The following SHANK2 variants were observed in gnomAD, a reference collection of about 807,000 sequenced individuals.
The protein encoded by SHANK2 is SH3 and multiple ankyrin repeat domains protein 2.
In SHANK2, 43 loss-of-function variants were observed where a neutral mutation model predicts 133.7. That is an observed-to-expected ratio of 0.32 (90% CI 0.25 to 0.41). SHANK2 has a LOEUF of 0.41. Ranked by LOEUF, SHANK2 falls within the 10% of genes least tolerant of loss-of-function variation. The pLI is 1.00. For missense variants in SHANK2, 1,994 were observed against 2,235.8 expected (o/e 0.89, Z 2.18); for synonymous variants, 1,017 against 952.8 (o/e 1.07, Z -1.24).
chr11:70,923,146 G>A (rs1950374323), intron 10 of SHANK2, among the ~76,000 whole-genome samples: 1 of 152,188 alleles, frequency 6.6e-6, no homozygotes, highest in African/African-American at 2.4e-5. Context: ...AAAGAAATTT[G>A]CAGTTGCATG....
At chr11:70,911,268 C>T in intron 10 of SHANK2, 2 of 442,044 alleles carry the variant, frequency 4.5e-6, no homozygotes, top group Non-Finnish European at 9.1e-6. Context: ...CTCTGTTGCC[C>T]TGGCTTGAAC....
intron 17 of SHANK2, among the ~76,000 whole-genome samples, chr11:70,602,194 C>T (rs12805328): frequency 0.16 from 24,973 of 152,162 alleles, 2,202 homozygotes; most frequent in Middle Eastern, 0.23. Context: ...AGTAAAAGCT[C>T]CCTGAGCCCT....
At position 70,909,250 on chromosome 11, in the gene SHANK2, G is replaced by A. The variant is rs1216318678; in HGVS notation, c.1108-12683C>T. ...GGAATGATTTTCAAGAGTGACTCTG[G>A]TGGGACCCTGGGGCTAGAAAGGCGT... On this transcript the variant is annotated intron_variant, in intron 10 of 25. Transcript: ENST00000601538. Among the ~76,000 whole-genome samples, 3 of 152,212 alleles carry A rather than the reference G, an allele frequency of 2.0e-5. No individual in the cohort carries two copies. The East Asian group carries it at 5.8e-4, about 29-fold the overall frequency.
intron 24 of SHANK2, chr11:70,489,101 A>G (rs782758604): frequency 4.9e-5 from 27 of 555,944 alleles, no homozygotes; most frequent in Non-Finnish European, 8.1e-5. Context: ...ATTTATTCCA[A>G]TGAAAACTTC....
chr11:71,093,051 AG>A (rs33983330), intron 7 of SHANK2, among the ~76,000 whole-genome samples: 14,630 of 70,538 alleles, frequency 0.21, 1,825 homozygotes, highest in South Asian at 0.3. Flanking sequence ...TCAAAAATAA[AG>A]GGGGGGGGGG....
chr11:70,728,268 T>C (rs938344934), intron 14 of SHANK2, among the ~76,000 whole-genome samples: 11 of 152,280 alleles, frequency 7.2e-5, no homozygotes, highest in South Asian at 2.1e-4. Context: ...CAGATGCAGA[T>C]GGGTCCTTGT....
At chr11:71,236,194 C>T (rs553047894) in intron 1 of SHANK2, among the ~76,000 whole-genome samples, 17 of 152,300 alleles carry the variant, frequency 1.1e-4, no homozygotes, top group East Asian at 5.8e-4. Flanking sequence ...GAGAAGGCAA[C>T]GGGGCAGACT....
At chr11:70,627,193 C>T (rs2060916795) in intron 17 of SHANK2, among the ~76,000 whole-genome samples, 1 of 152,204 alleles carries the variant, frequency 6.6e-6, no homozygotes, top group Non-Finnish European at 1.5e-5. Context: ...TTCTTGGGCA[C>T]ACACAGGGCT....
chr11:70,723,334 G>GCTCTCTCTCTCTCTCT, intron 14 of SHANK2, among the ~76,000 whole-genome samples: 1 of 76,458 alleles, frequency 1.3e-5, no homozygotes, highest in African/African-American at 6.7e-5. Context: ...TCTCTCGCTG[G>GCTCTCTCTCTCTCTCT]CCTGATGAAG....
chr11:70,617,766 A>G (rs1369942400), intron 17 of SHANK2, among the ~76,000 whole-genome samples: 1 of 152,158 alleles, frequency 6.6e-6, no homozygotes, highest in Non-Finnish European at 1.5e-5. Context: ...CATGCCAAGC[A>G]TGTTAGAAAT....
At chr11:70,870,763 T>TTTCA (rs201884269) in intron 11 of SHANK2, among the ~76,000 whole-genome samples, 493 of 152,274 alleles carry the variant, frequency 3.2e-3, no homozygotes, top group African/African-American at 0.011. Flanking sequence ...TGTGGCCACA[T>TTTCA]TTCATTCATT....
At chr11:70,706,748 A>G (rs1945670815) in intron 14 of SHANK2, among the ~76,000 whole-genome samples, 1 of 145,526 alleles carries the variant, frequency 6.9e-6, no homozygotes. Flanking sequence ...CACTGAAAGG[A>G]AAAAAAAAAA....
intron 21 of SHANK2, among the ~76,000 whole-genome samples, chr11:70,496,430 C>G (rs1293065083): frequency 1.3e-5 from 2 of 152,174 alleles, no homozygotes; most frequent in Non-Finnish European, 2.9e-5. Flanking sequence ...CCAAAATGAA[C>G]AGGCTGCAGG....
intron 2 of SHANK2, among the ~76,000 whole-genome samples, chr11:71,166,723 T>G (rs1953158873): frequency 6.6e-6 from 1 of 152,000 alleles, no homozygotes; most frequent in Non-Finnish European, 1.5e-5. Context: ...CCTCAAGTGA[T>G]CTGCCCTCCT....
chr11:70,655,510 G>T (rs1268528832), intron 17 of SHANK2, among the ~76,000 whole-genome samples: 1 of 152,212 alleles, frequency 6.6e-6, no homozygotes, highest in Non-Finnish European at 1.5e-5. Flanking sequence ...GAGCACTGCA[G>T]GGCTTGTAGG....
chr11:70,846,371 C>T (rs1555063417), intron 11 of SHANK2, among the ~76,000 whole-genome samples: 1 of 152,064 alleles, frequency 6.6e-6, no homozygotes, highest in Non-Finnish European at 1.5e-5. Context: ...TCAAGCGATC[C>T]TCCTGCCTCG....
chr11:70,666,844 C>T (rs891089513), intron 15 of SHANK2, among the ~76,000 whole-genome samples: 2 of 152,198 alleles, frequency 1.3e-5, no homozygotes, highest in African/African-American at 4.8e-5. Flanking sequence ...TGCAACACAA[C>T]ATTGACCCGT....
At chr11:71,110,618 C>A (rs1951878284) in intron 5 of SHANK2, among the ~76,000 whole-genome samples, 2 of 152,170 alleles carry the variant, frequency 1.3e-5, no homozygotes, top group Non-Finnish European at 2.9e-5. Context: ...AAATGTCTTT[C>A]CAGGCTCTGG....
intron 19 of SHANK2, 39 bp downstream of exon 19, chr11:70,502,167 A>T (rs782057632): frequency 5.8e-6 from 9 of 1,546,438 alleles, no homozygotes; most frequent in Non-Finnish European, 7.9e-6. Context: ...AGGGACCGGC[A>T]TGGTGACTGT....
Sources: allele counts gnomAD v4.1 joint callset (sites outside exome capture counted in the v4.1 genomes callset), GRCh38; gene constraint gnomAD v4.1.1; transcripts MANE v1.5; gene names NCBI Gene and HGNC (gene_info 2026-07-23, HGNC 2026-07-21).